MYO5C: variants seen among roughly 807,000 people sequenced by gnomAD.
MYO5C encodes myosin VC, also known as unconventional myosin-Vc.
MYO5C carries 194 observed loss-of-function variants against 235.7 expected under a neutral mutation model. The observed-to-expected ratio is 0.82, with a 90% CI of 0.73 to 0.93. The LOEUF is 0.93. Among genes scored for constraint, MYO5C ranks in the 40% least tolerant of loss-of-function variants. MYO5C has a pLI of 0.00. For missense variants in MYO5C, 2,038 were observed against 2,127.2 expected, an observed-to-expected ratio of 0.96 and a Z score of 0.82; for synonymous variants, 707 against 754.8, an observed-to-expected ratio of 0.94 and a Z score of 1.04.
Position 52,206,070 on chromosome 15 carries a change from A to G in MYO5C, c.4387-104T>C, listed in dbSNP as rs184300009. On this transcript the variant is annotated intron_variant, in intron 36 of 40. Coordinates refer to ENST00000261839, the MANE Select transcript of MYO5C (RefSeq NM_018728.4). ...TACCTTAAAACTTAATGTCTGATTTATATCAAATGAGTTCATGATGCTTGG... is the reference window on the plus strand; with the variant it reads ...TACCTTAAAACTTAATGTCTGATTTGTATCAAATGAGTTCATGATGCTTGG... 1.6e-4 allele frequency: 116 copies of G among 718,576 alleles called. No homozygotes were observed. The African/African-American group carries it at 2.0e-3, about 13-fold the overall frequency. The allele number at this position is 718,576 out of a possible 1,614,324, so 44.5% of individuals were successfully genotyped here.
rs560678070 is a variant in MYO5C, at chr15:52,208,711, T to G, written c.4297-68A>C. 1.9e-4 allele frequency: 266 copies of G among 1,401,124 alleles called. 2 individuals are homozygous for G. The East Asian group carries it at 6.0e-3, about 32-fold the overall frequency. 86.8% of individuals were successfully genotyped at this position (1,401,124 alleles called of 1,614,324 possible). On this transcript the variant is annotated intron_variant, in intron 35 of 40. Transcript: ENST00000261839. ...TTGTACCTCTGAGCATTTACCTGTT[T>G]GGTTATTTGTAGCTTTTGACCAAAA...
In MYO5C at chr15:52,205,076, A is replaced by T. The variant is rs1212812251; in HGVS notation, c.4609T>A (p.Ser1537Thr). ...GLKPTGFRKR[S>T]SSIDDTDGYT... ...CCGTCCGTGTCGTCTATGCTAGAGGAGCGCTTCCGGAAGCCTGTGGGCTTC... is the reference window on the plus strand; with the variant it reads ...CCGTCCGTGTCGTCTATGCTAGAGGTGCGCTTCCGGAAGCCTGTGGGCTTC... Residue 1537 changes from serine to threonine, a missense_variant, in exon 38 of 41, where the codon TCC (serine) becomes ACC (threonine). By Grantham distance (58) the Ser-to-Thr change is moderately conservative. Transcript: ENST00000261839. The T allele has an allele frequency of 6.2e-7, 1 of 1,614,128 alleles. No homozygotes were observed. Among genetic ancestry groups the T allele is most frequent in the South Asian group, 1.1e-5 (1 of 91,088 alleles).
chr15:52,205,055 C>T lies in MYO5C; in HGVS notation c.4630G>A (p.Asp1544Asn). 1 of 1,614,214 alleles carries T rather than the reference C, an allele frequency of 6.2e-7. No individual in the cohort carries two copies. The highest frequency in any genetic ancestry group is 8.5e-7 in the Non-Finnish European group (1 of 1,180,026). Residue 1544 changes from aspartate to asparagine, a missense_variant, in exon 38 of 41, where the codon GAC (aspartate) becomes AAC (asparagine). Coordinates refer to ENST00000261839, the MANE Select transcript of MYO5C (RefSeq NM_018728.4). ...RKRSSSIDDT[D>N]GYTMTSVLQQ... ...AGGACGGAGGTCATGGTGTAGCCGT[C>T]CGTGTCGTCTATGCTAGAGGAGCGC...
In MYO5C at chr15:52,274,678, C is replaced by CCG. The variant is rs1055434950; in HGVS notation, c.606+883_606+884insCG. 4.8e-4 allele frequency among the ~76,000 whole-genome samples: 71 copies of CCG among 147,598 alleles called. 1 individual carries two copies. Among genetic ancestry groups the CCG allele is most frequent in the South Asian group, 1.1e-3 (5 of 4,390 alleles). On this transcript the variant is annotated intron_variant, in intron 5 of 40. Transcript: ENST00000261839. ...TTGCAGTGTTTCTTAGTACCCCCCCCCCGACATATGTTTCTATTTAATTTT... is the reference window on the plus strand; with the variant it reads ...TTGCAGTGTTTCTTAGTACCCCCCCCCGCCGACATATGTTTCTATTTAATTTT...
At chr15:52,266,326 G>A (rs904102869) in intron 8 of MYO5C, among the ~76,000 whole-genome samples, 1 of 152,200 alleles carries the variant, frequency 6.6e-6, no homozygotes, top group Middle Eastern at 3.2e-3. Flanking sequence ...ATTCCAAGGT[G>A]TTCGTCCCAT....
chr15:52,261,277 T>C, intron 9 of MYO5C, 150 bp from the exon 10 acceptor site: 1 of 909,598 alleles, frequency 1.1e-6, no homozygotes, highest in African/African-American at 1.7e-5. Context: ...GAGGTGGAGA[T>C]AGACCTGGGA....
At position 52,214,653 on chromosome 15, in the gene MYO5C, A is replaced by T; in HGVS notation, c.3992T>A (p.Ile1331Asn). ...CTTGACTTGATCTTGTAGCTTTTTA[A>T]TCACTCTGTCTTTCATGTCTAATTC... ...EEELDMKDRV[I>N]KKLQDQVKTL... The change falls in exon 33 of 41, where the codon ATT (isoleucine) becomes AAT (asparagine). Residue 1331 changes from isoleucine to asparagine, a missense_variant. Transcript: ENST00000261839. The T allele has an allele frequency of 8.1e-6, 13 of 1,609,480 alleles. No homozygotes were observed. Among genetic ancestry groups the T allele is most frequent in the South Asian group, 1.1e-5 (1 of 90,240 alleles).
chr15:52,279,448 C>A (rs1051901577), intron 3 of MYO5C, 61 bp downstream of exon 3: 27 of 1,556,936 alleles, frequency 1.7e-5, no homozygotes, highest in Non-Finnish European at 2.4e-5. Flanking sequence ...AACCAGGAGG[C>A]TCTAGACAGC....
chr15:52,243,642 C>G (rs923389067), intron 19 of MYO5C: 3 of 152,366 alleles, frequency 2.0e-5, no homozygotes, highest in Non-Finnish European at 4.4e-5. Context: ...TCACAGCATC[C>G]CAAAGAAGGG....
chr15:52,195,901 C>T (rs928394611), intron 39 of MYO5C, among the ~76,000 whole-genome samples: 1 of 149,556 alleles, frequency 6.7e-6, no homozygotes, highest in Non-Finnish European at 1.5e-5. Context: ...TGGACTCATG[C>T]GATCCTCCCG....
At chr15:52,239,626 C>G in intron 21 of MYO5C, 107 bp downstream of exon 21, 1 of 1,240,484 alleles carries the variant, frequency 8.1e-7, no homozygotes, top group Non-Finnish European at 1.1e-6. Context: ...TAAACTGAAC[C>G]TCCTAACATG....
At chr15:52,240,384 C>T (rs924495542) in intron 20 of MYO5C, among the ~76,000 whole-genome samples, 1 of 151,792 alleles carries the variant, frequency 6.6e-6, no homozygotes, top group Non-Finnish European at 1.5e-5. Flanking sequence ...GCCTAGGCAA[C>T]ATAGCAATAC....
At chr15:52,267,387 TC>T (rs1375555077) in intron 8 of MYO5C, among the ~76,000 whole-genome samples, 1 of 152,138 alleles carries the variant, frequency 6.6e-6, no homozygotes, top group Non-Finnish European at 1.5e-5. Flanking sequence ...CACTCACAGA[TC>T]AAGACACTAA....
rs2035284045 is a variant in MYO5C at position 52,205,250 on chromosome 15, G to C, written c.4538-103C>G. ...CAGGAGATGGGACATTTTTCTACAAGAGTCAGTGGATGTACTTATGATAGA... is the reference window on the plus strand; with the variant it reads ...CAGGAGATGGGACATTTTTCTACAACAGTCAGTGGATGTACTTATGATAGA... On this transcript the variant is annotated intron_variant, in intron 37 of 40. Coordinates refer to ENST00000261839, the MANE Select transcript of MYO5C (RefSeq NM_018728.4). 8 of 1,264,512 alleles carry C rather than the reference G, an allele frequency of 6.3e-6. No homozygotes were observed. In the East Asian group the frequency reaches 1.6e-4, roughly 26 times the overall value. The allele number at this position is 1,264,512 out of a possible 1,614,324, so 78.3% of individuals were successfully genotyped here.
chr15:52,220,711 G>C (rs7176230), intron 30 of MYO5C, among the ~76,000 whole-genome samples: 135 of 151,380 alleles, frequency 8.9e-4, no homozygotes, highest in African/African-American at 3.0e-3. Context: ...CCTGTAATTT[G>C]ATATACTCAG....
intron 13 of MYO5C, among the ~76,000 whole-genome samples, chr15:52,250,279 G>T (rs1398069111): frequency 1.7e-5 from 2 of 120,846 alleles, no homozygotes; most frequent in Admixed American, 1.1e-4. Context: ...GTCTCACTCT[G>T]TCAGCCAGGC....
intron 39 of MYO5C, 69 bp from the exon 40 acceptor site, chr15:52,195,526 T>G: frequency 9.0e-7 from 1 of 1,108,188 alleles, no homozygotes; most frequent in South Asian, 1.7e-5. Flanking sequence ...ATAATGGTTC[T>G]GGTTATTGGG....
rs80112851 is a variant in MYO5C, at chr15:52,273,443, C to A, written c.607-720G>T. On this transcript the variant is annotated intron_variant, in intron 5 of 40. Transcript: ENST00000261839. ...AATGTTTGTGTCCTCTCAAAATCTT[C>A]ATGCTGAAATCCTAACCCTATGTAT... 5.1e-3 allele frequency among the ~76,000 whole-genome samples: 778 copies of A among 152,336 alleles called. 7 individuals are homozygous for A. Among genetic ancestry groups the A allele is most frequent in the African/African-American group, 0.018 (743 of 41,568 alleles).
Position 52,244,485 on chromosome 15 carries a change from T to C in MYO5C, c.2261A>G (p.Asp754Gly). ...CATAACACAACTCTGCCTCAGTTTA[T>C]CCAATCGAAGTTTCTCTAAATAAGC... ...QVAYLEKLRL[D>G]KLRQSCVMVQ... Residue 754 changes from aspartate to glycine, a missense_variant, in exon 19 of 41, where the codon GAT becomes GGT. Asp to Gly is a moderately conservative substitution (Grantham distance 94). Coordinates refer to ENST00000261839, the MANE Select transcript of MYO5C (RefSeq NM_018728.4). 6.2e-7 allele frequency: 1 copy of C among 1,614,164 alleles called. No individual in the cohort carries two copies. The highest frequency in any genetic ancestry group is 8.5e-7 in the Non-Finnish European group (1 of 1,180,038).
Sources: allele counts gnomAD v4.1 joint callset (sites outside exome capture counted in the v4.1 genomes callset), GRCh38; gene constraint gnomAD v4.1.1; transcripts MANE v1.5; gene names NCBI Gene and HGNC (gene_info 2026-07-23, HGNC 2026-07-21).